Variants in MAN2A1 observed in about 807,000 individuals in gnomAD.
MAN2A1 encodes the protein mannosidase alpha class 2A member 1, also known as alpha-mannosidase 2.
In MAN2A1, 76 loss-of-function variants were observed where a neutral mutation model predicts 142.6. The observed-to-expected ratio is 0.53, with a 90% CI of 0.44 to 0.65. The LOEUF (loss-of-function observed/expected upper bound fraction) is 0.65. Among genes scored for constraint, MAN2A1 ranks in the 30% least tolerant of loss-of-function variants. The probability of loss-of-function intolerance (pLI) is 0.00; values close to 1 mark genes in which losing one functional copy is unlikely to be tolerated. For missense variants in MAN2A1, 1,311 were observed against 1,365.1 expected (o/e 0.96, Z 0.62); for synonymous variants, 559 against 473.2 (o/e 1.18, Z -2.35).
Position 109,788,933 on chromosome 5 carries a change from G to T in MAN2A1, c.1761-1G>T, listed in dbSNP as rs1221567305. On this transcript the variant is annotated splice_acceptor_variant, in intron 10 of 21. Coordinates refer to ENST00000261483, the MANE Select transcript of MAN2A1 (RefSeq NM_002372.4). LOFTEE classifies it high-confidence loss of function. ...AGACTAATAAAATTTTTGATTTACAGACTTTTTCATTCGTTAATGGTTTTG... is the reference window on the plus strand; with the variant it reads ...AGACTAATAAAATTTTTGATTTACATACTTTTTCATTCGTTAATGGTTTTG... 6.9e-7 allele frequency: 1 copy of T among 1,445,572 alleles called. No individual in the cohort carries two copies. The highest frequency in any genetic ancestry group is 9.7e-7 in the Non-Finnish European group (1 of 1,035,114). 89.5% of individuals were successfully genotyped at this position (1,445,572 alleles called of 1,614,324 possible).
intron 12 of MAN2A1, among the ~76,000 whole-genome samples, chr5:109,801,488 A>G (rs929057141): frequency 3.3e-5 from 5 of 152,150 alleles, no homozygotes; most frequent in Non-Finnish European, 7.4e-5. Context: ...TTGTTTTTTA[A>G]GCTATGACTG....
At chr5:109,747,443 T>C (rs1752437215) in intron 4 of MAN2A1, among the ~76,000 whole-genome samples, 1 of 152,220 alleles carries the variant, frequency 6.6e-6, no homozygotes, top group South Asian at 2.1e-4. Flanking sequence ...TGAATAATGT[T>C]CTGTCACTGT....
In MAN2A1 at chr5:109,690,456, G is replaced by A. The variant is rs754756073; in HGVS notation, c.39G>A (p.Ala13=). The A allele has an allele frequency of 6.2e-7, 1 of 1,614,080 alleles. No homozygotes were observed. The highest frequency in any genetic ancestry group is 2.2e-5 in the East Asian group (1 of 44,850). ...LSRQFTVFGS[A]IFCVVIFSLY... ...GCCAGTTCACCGTGTTCGGCAGTGC[G>A]ATCTTCTGTGTGGTGATTTTCTCGC... The change falls in exon 1 of 22, where the codon GCG becomes GCA. Residue 13 remains alanine, a synonymous_variant. Coordinates refer to ENST00000261483, the MANE Select transcript of MAN2A1 (RefSeq NM_002372.4).
At chr5:109,814,938 G>A (rs927609149) in intron 12 of MAN2A1, among the ~76,000 whole-genome samples, 1 of 152,138 alleles carries the variant, frequency 6.6e-6, no homozygotes, top group African/African-American at 2.4e-5. Context: ...GTGTGCCTAG[G>A]TATGCCTCAG....
At chr5:109,693,613 C>G (rs891728008) in intron 1 of MAN2A1, among the ~76,000 whole-genome samples, 3 of 151,902 alleles carry the variant, frequency 2.0e-5, no homozygotes, top group Non-Finnish European at 4.4e-5. Context: ...TGTTCTTTTT[C>G]TCTTCTCTCA....
At position 109,708,008 on chromosome 5, in the gene MAN2A1, A is replaced by G. The variant is rs1582808910; in HGVS notation, c.136-5512A>G. Among the ~76,000 whole-genome samples, 3 of 152,074 alleles carry G rather than the reference A, an allele frequency of 2.0e-5. No individual in the cohort carries two copies. In the South Asian group the frequency reaches 6.3e-4, roughly 32 times the overall value. On this transcript the variant is annotated intron_variant, in intron 1 of 21. Transcript: ENST00000261483. Reference sequence around the variant, plus strand: ...GGGAGATACAAATATGGGAGACATCATGGAATTTAAATCATGGAGTGGATG... The same window carrying G: ...GGGAGATACAAATATGGGAGACATCGTGGAATTTAAATCATGGAGTGGATG...
intron 1 of MAN2A1, chr5:109,699,449 T>G (rs992038145): frequency 2.0e-5 from 3 of 152,022 alleles, no homozygotes; most frequent in African/African-American, 7.2e-5. Flanking sequence ...GTTTTGAAAA[T>G]TGCAAAGAGT....
rs754674895 is a variant in MAN2A1 at position 109,716,126 on chromosome 5, G to T, written c.397G>T (p.Asp133Tyr). 1 of 1,596,746 alleles carries T rather than the reference G, an allele frequency of 6.3e-7. No individual in the cohort carries two copies. Among genetic ancestry groups the T allele is most frequent in the South Asian group, 1.1e-5 (1 of 87,278 alleles). The stretch of plus-strand genomic sequence containing the variant: ...TTTTCTTTTACATTTTTAGATGTTG[G>T]ATGTTTACAGTCTAATTTCTTTTGA... Reference protein sequence around the residue: ...GSHNSDVQMLDVYSLISFDNP... With the variant: ...GSHNSDVQMLYVYSLISFDNP... Residue 133 changes from aspartate (D) to tyrosine (Y), a missense_variant, in exon 3 of 22, where the codon GAT becomes TAT. Coordinates refer to ENST00000261483, the MANE Select transcript of MAN2A1 (RefSeq NM_002372.4).
At chr5:109,693,435 A>G (rs1337427008) in intron 1 of MAN2A1, among the ~76,000 whole-genome samples, 1 of 151,902 alleles carries the variant, frequency 6.6e-6, no homozygotes, top group East Asian at 1.9e-4. Flanking sequence ...ATCTAGTAGA[A>G]CGGTTTATTT....
In MAN2A1 at chr5:109,846,022, A is replaced by G. The variant is rs182705121; in HGVS notation, c.2842+16A>G. ...TTGAATAGTGGTATGTATTGCTTACACTCTTTTCCACTCTGAAAGGTTTCA... is the reference window on the plus strand; with the variant it reads ...TTGAATAGTGGTATGTATTGCTTACGCTCTTTTCCACTCTGAAAGGTTTCA... On this transcript the variant is annotated intron_variant, in intron 18 of 21. Transcript: ENST00000261483. 3.2e-6 allele frequency: 5 copies of G among 1,579,008 alleles called. No homozygotes were observed. The highest frequency in any genetic ancestry group is 1.4e-5 in the African/African-American group (1 of 72,972).
chr5:109,831,263 A>G (rs1754898984), intron 16 of MAN2A1, among the ~76,000 whole-genome samples: 1 of 152,238 alleles, frequency 6.6e-6, no homozygotes, highest in African/African-American at 2.4e-5. Flanking sequence ...TGAGTGTTGT[A>G]TCTACTTACA....
At chr5:109,791,211 C>T (rs759806055) in intron 12 of MAN2A1, among the ~76,000 whole-genome samples, 26 of 151,682 alleles carry the variant, frequency 1.7e-4, no homozygotes, top group African/African-American at 2.4e-5. Context: ...CTTCCTATTT[C>T]TGTAGGTTGG....
intron 12 of MAN2A1, among the ~76,000 whole-genome samples, chr5:109,809,044 AAGAC>A (rs1464824748): frequency 2.0e-5 from 3 of 152,256 alleles, no homozygotes; most frequent in East Asian, 1.9e-4. Context: ...ATTGGATTGA[AAGAC>A]AGACTATTTC....
At chr5:109,745,690 C>T (rs572480836) in intron 4 of MAN2A1, among the ~76,000 whole-genome samples, 2 of 152,262 alleles carry the variant, frequency 1.3e-5, no homozygotes, top group Admixed American at 1.3e-4. Context: ...ACTATCATAG[C>T]TCACTGCAAC....
At chr5:109,723,939 G>GC (rs1478594086) in intron 3 of MAN2A1, among the ~76,000 whole-genome samples, 1 of 151,990 alleles carries the variant, frequency 6.6e-6, no homozygotes, top group East Asian at 1.9e-4. Flanking sequence ...TGTAGAATCT[G>GC]TTTTCATTTA....
At chr5:109,788,470 A>G (rs540043586) in intron 10 of MAN2A1, among the ~76,000 whole-genome samples, 87 of 152,058 alleles carry the variant, frequency 5.7e-4, no homozygotes, top group African/African-American at 1.5e-3. Flanking sequence ...AAATTAAACA[A>G]AACATCTATT....
intron 15 of MAN2A1, among the ~76,000 whole-genome samples, chr5:109,822,223 A>G (rs903519316): frequency 1.4e-5 from 2 of 147,620 alleles, no homozygotes; most frequent in African/African-American, 5.0e-5. Context: ...TACAACTCAT[A>G]TGAGGCATTC....
At chr5:109,702,109 A>T (rs954241070) in intron 1 of MAN2A1, among the ~76,000 whole-genome samples, 2 of 152,206 alleles carry the variant, frequency 1.3e-5, no homozygotes, top group African/African-American at 4.8e-5. Flanking sequence ...AATATTTTGT[A>T]GCAGATGTTA....
intron 1 of MAN2A1, among the ~76,000 whole-genome samples, chr5:109,696,324 CT>C (rs1750811029): frequency 6.6e-6 from 1 of 152,214 alleles, no homozygotes; most frequent in Non-Finnish European, 1.5e-5. Flanking sequence ...TGGTCTCGAT[CT>C]CCTGATCTCG....
Sources: gnomAD v4.1 joint callset for allele counts (sites outside exome capture counted in the v4.1 genomes callset) on GRCh38, gnomAD v4.1.1 for gene constraint, MANE v1.5 for transcripts, NCBI Gene and HGNC (gene_info 2026-07-23, HGNC 2026-07-21) for gene names.